TNRC6B: variants seen among roughly 807,000 people sequenced by gnomAD.
TNRC6B encodes trinucleotide repeat-containing gene 6B protein.
TNRC6B carries 52 observed loss-of-function variants against 203.6 expected under a neutral mutation model. The observed-to-expected ratio is 0.26, with a 90% CI of 0.20 to 0.32. The LOEUF (loss-of-function observed/expected upper bound fraction) is 0.32. Ranked by LOEUF, TNRC6B falls within the 10% of genes least tolerant of loss-of-function variation. TNRC6B has a pLI of 1.00. For missense variants in TNRC6B, 1,923 were observed against 2,286.2 expected (o/e 0.84, Z 3.24); for synonymous variants, 838 against 845.7 (o/e 0.99, Z 0.16).
chr22:40,209,677 C>T (rs738447), intron 1 of TNRC6B, among the ~76,000 whole-genome samples: 103,253 of 152,050 alleles, frequency 0.68, 36,811 homozygotes, highest in African/African-American at 0.9. Flanking sequence ...CTCTGAGCCT[C>T]GGTTTCCTCA....
At chr22:40,143,591 T>G (rs941875529) in intron 3 of TNRC6B, among the ~76,000 whole-genome samples, 1 of 152,112 alleles carries the variant, frequency 6.6e-6, no homozygotes, top group Non-Finnish European at 1.5e-5. Flanking sequence ...CCGGGTTCAC[T>G]TCATTCTCCT....
chr22:40,174,750 G>A (rs1037934825), upstream of TNRC6B, among the ~76,000 whole-genome samples: 22 of 151,420 alleles, frequency 1.5e-4, no homozygotes, highest in African/African-American at 4.9e-4. Context: ...GCGTGAACCC[G>A]GGAGGCGGAG....
At chr22:40,198,999 A>C (rs907420694) in intron 1 of TNRC6B, among the ~76,000 whole-genome samples, 1 of 152,016 alleles carries the variant, frequency 6.6e-6, no homozygotes, top group African/African-American at 2.4e-5. Flanking sequence ...TGGAGCAGGA[A>C]TGTTTAACAT....
At chr22:40,295,086 T>C (rs527776128) in intron 12 of TNRC6B, among the ~76,000 whole-genome samples, 249 of 151,988 alleles carry the variant, frequency 1.6e-3, no homozygotes, top group Non-Finnish European at 2.6e-3. Flanking sequence ...AGTTGATGGG[T>C]GGAGTGAAAG....
intron 1 of TNRC6B, among the ~76,000 whole-genome samples, chr22:40,206,778 C>A (rs1020268452): frequency 1.3e-5 from 2 of 152,044 alleles, no homozygotes; most frequent in Admixed American, 1.3e-4. Flanking sequence ...TGCTCTGTGG[C>A]GGAACTGGCC....
intron 1 of TNRC6B, among the ~76,000 whole-genome samples, chr22:40,212,067 T>C (rs1168928337): frequency 6.6e-6 from 1 of 152,248 alleles, no homozygotes; most frequent in Non-Finnish European, 1.5e-5. Flanking sequence ...AGTTCAAATT[T>C]AGCCTGAAAG....
chr22:40,083,056 C>T (rs1003407285), intron 1 of TNRC6B, among the ~76,000 whole-genome samples: 2 of 151,910 alleles, frequency 1.3e-5, no homozygotes, highest in African/African-American at 4.8e-5. Flanking sequence ...TAATAAAAGC[C>T]ATGAGAATGG....
intron 1 of TNRC6B, among the ~76,000 whole-genome samples, chr22:40,058,594 C>CT (rs1185846794): frequency 2.0e-5 from 3 of 152,298 alleles, no homozygotes; most frequent in Non-Finnish European, 4.4e-5. Flanking sequence ...TCTTGCTTTG[C>CT]TTTAACCTCC....
intron 4 of TNRC6B, among the ~76,000 whole-genome samples, chr22:40,156,911 AC>A (rs1421628315): frequency 6.7e-6 from 1 of 150,114 alleles, no homozygotes; most frequent in African/African-American, 2.4e-5. Context: ...GGTGGCGGGG[AC>A]TACAGTTGCC....
intron 7 of TNRC6B, among the ~76,000 whole-genome samples, chr22:40,276,417 C>G (rs2070645853): frequency 6.6e-6 from 1 of 152,132 alleles, no homozygotes; most frequent in South Asian, 2.1e-4. Flanking sequence ...CCCAGCCCAC[C>G]CAGTCCTCTT....
chr22:40,117,651 A>G (rs1438190036), intron 2 of TNRC6B, among the ~76,000 whole-genome samples: 2 of 152,006 alleles, frequency 1.3e-5, no homozygotes, highest in Admixed American at 1.3e-4. Flanking sequence ...AGATATATAT[A>G]TAGTATTTTT....
intron 3 of TNRC6B, among the ~76,000 whole-genome samples, chr22:40,126,323 G>C (rs949741371): frequency 6.6e-6 from 1 of 152,024 alleles, no homozygotes; most frequent in South Asian, 2.1e-4. Context: ...GCTGAGGCTT[G>C]GGGTACAAGT....
intron 3 of TNRC6B, among the ~76,000 whole-genome samples, chr22:40,132,610 A>T (rs1436596254): frequency 1.5e-5 from 2 of 137,328 alleles, no homozygotes. Flanking sequence ...ATGCCCCTGT[A>T]CTCCAGCCTG....
intron 1 of TNRC6B, among the ~76,000 whole-genome samples, chr22:40,113,512 G>T (rs990031844): frequency 6.6e-6 from 1 of 152,106 alleles, no homozygotes; most frequent in Non-Finnish European, 1.5e-5. Flanking sequence ...ATACTACAAT[G>T]CTGGGCTAAT....
At chr22:40,198,810 T>A (rs973406167) in intron 1 of TNRC6B, among the ~76,000 whole-genome samples, 1 of 152,152 alleles carries the variant, frequency 6.6e-6, no homozygotes, top group Admixed American at 6.5e-5. Flanking sequence ...TGCATATGTG[T>A]GTGCACATAC....
rs571739499 is a variant in TNRC6B, at chr22:40,273,886, A to G, written c.3141+286A>G. On this transcript the variant is annotated intron_variant, in intron 7 of 22. Coordinates refer to ENST00000454349, the MANE Select transcript of TNRC6B (RefSeq NM_001162501.2). ...GGATGGTCTCAAACTCCTGGGCTCA[A>G]TCCTCCTGCCTTGTCCTTCCAAAGT... Among the ~76,000 whole-genome samples, 14 of 152,262 alleles carry G rather than the reference A, an allele frequency of 9.2e-5. No homozygotes were observed. The South Asian group carries it at 1.7e-3, about 18-fold the overall frequency.
At chr22:40,051,741 C>A (rs1323205735) in intron 1 of TNRC6B, among the ~76,000 whole-genome samples, 1 of 152,028 alleles carries the variant, frequency 6.6e-6, no homozygotes, top group African/African-American at 2.4e-5. Context: ...AAATATGAGC[C>A]ACATATGTAT....
chr22:40,094,202 C>G (rs1330489317), intron 1 of TNRC6B, among the ~76,000 whole-genome samples: 1 of 152,082 alleles, frequency 6.6e-6, no homozygotes, highest in Admixed American at 6.6e-5. Context: ...GAGTCCTACA[C>G]AGTACGCATC....
At chr22:40,075,156 A>ATATATATATATATATATT in intron 1 of TNRC6B, among the ~76,000 whole-genome samples, 2 of 35,558 alleles carry the variant, frequency 5.6e-5, no homozygotes, top group Admixed American at 4.9e-4. Context: ...ATATATATAT[A>ATATATATATATATATATT]TTTTTTTTTT....
Sources: allele counts gnomAD v4.1 joint callset (sites outside exome capture counted in the v4.1 genomes callset), GRCh38; gene constraint gnomAD v4.1.1; transcripts MANE v1.5; gene names NCBI Gene and HGNC (gene_info 2026-07-23, HGNC 2026-07-21).